The following CCNB2 variants were observed in gnomAD, a reference collection of about 807,000 sequenced individuals.
CCNB2 encodes the protein cyclin B2, also known as G2/mitotic-specific cyclin-B2.
CCNB2 carries 39 observed loss-of-function variants against 51.1 expected under a neutral mutation model. The observed-to-expected ratio is 0.76, with a 90% CI of 0.59 to 1.00. The LOEUF is 1.00. Ranked by LOEUF, CCNB2 falls within the 50% of genes least tolerant of loss-of-function variation. The pLI, the probability that CCNB2 is intolerant of heterozygous loss-of-function variation, is 0.00. For synonymous variants in CCNB2, 174 were observed against 165.5 expected, an observed-to-expected ratio of 1.05 and a Z score of -0.40; for missense variants, 472 against 470.3, an observed-to-expected ratio of 1.00 and a Z score of -0.03.
chr15:59,112,883 A>C (rs1438695687), intron 3 of CCNB2, among the ~76,000 whole-genome samples: 1 of 151,736 alleles, frequency 6.6e-6, no homozygotes, highest in African/African-American at 2.4e-5. Context: ...AAATACAAAA[A>C]ATTAGGCGAG....
intron 3 of CCNB2, among the ~76,000 whole-genome samples, chr15:59,111,989 C>A (rs2079259510): frequency 6.6e-6 from 1 of 151,550 alleles, no homozygotes. Context: ...GTAGTTGGGA[C>A]AACAAGTGTG....
intron 7 of CCNB2, among the ~76,000 whole-genome samples, chr15:59,121,986 C>CATACACCTATA (rs1391569407): frequency 1.5e-5 from 2 of 129,540 alleles, no homozygotes; most frequent in Non-Finnish European, 3.1e-5. Context: ...GGCATGGTGG[C>CATACACCTATA]ATACACCTAT....
intron 3 of CCNB2, among the ~76,000 whole-genome samples, chr15:59,110,196 T>C (rs963942523): frequency 3.4e-4 from 51 of 152,204 alleles, no homozygotes; most frequent in Non-Finnish European, 1.3e-4. Flanking sequence ...GTGTTTCCTT[T>C]ACTCCTTGGC....
intron 3 of CCNB2, among the ~76,000 whole-genome samples, chr15:59,111,689 A>G (rs2140286785): frequency 6.6e-6 from 1 of 152,030 alleles, no homozygotes; most frequent in Non-Finnish European, 1.5e-5. Context: ...TCTCAAATCA[A>G]TTTGCAGTTC....
intron 7 of CCNB2, among the ~76,000 whole-genome samples, chr15:59,122,957 T>C (rs1211812432): frequency 6.6e-6 from 1 of 152,236 alleles, no homozygotes; most frequent in African/African-American, 2.4e-5. Flanking sequence ...AAGTTCTCTC[T>C]GCTGTTTGGT....
intron 7 of CCNB2, chr15:59,121,571 C>G (rs1347827200): frequency 6.6e-6 from 1 of 152,114 alleles, no homozygotes. Context: ...CTGAGGCAGA[C>G]AGATTGCTTG....
chr15:59,105,153 C>T lies in CCNB2; in HGVS notation c.-116C>T, dbSNP rs2079229846. 2.1e-6 allele frequency: 2 copies of T among 966,462 alleles called. No individual in the cohort carries two copies. Among genetic ancestry groups the T allele is most frequent in the Non-Finnish European group, 3.1e-6 (2 of 651,402 alleles). 59.9% of individuals were successfully genotyped at this position (966,462 alleles called of 1,614,324 possible). On this transcript the variant is annotated 5_prime_UTR_variant, in exon 1 of 9. Coordinates refer to ENST00000288207, the MANE Select transcript of CCNB2 (RefSeq NM_004701.4). Reference sequence around the variant, plus strand: ...GAACAAGGCTACAGCGTCGAAGATCCCCAGCGCTGCGGGCTCGGAGAGCAG... The same window carrying T: ...GAACAAGGCTACAGCGTCGAAGATCTCCAGCGCTGCGGGCTCGGAGAGCAG...
chr15:59,112,221 G>A (rs1306152904), intron 3 of CCNB2, among the ~76,000 whole-genome samples: 1 of 151,992 alleles, frequency 6.6e-6, no homozygotes, highest in African/African-American at 2.4e-5. Context: ...TTCTTCCTCA[G>A]TTTAAGACCT....
At chr15:59,122,123 G>T (rs2079304683) in intron 7 of CCNB2, among the ~76,000 whole-genome samples, 2 of 145,238 alleles carry the variant, frequency 1.4e-5, no homozygotes, top group African/African-American at 2.6e-5. Context: ...GGTCTTCAAA[G>T]AAAAAAAGAG....
chr15:59,110,317 T>C (rs1235247412), intron 3 of CCNB2, among the ~76,000 whole-genome samples: 2 of 152,170 alleles, frequency 1.3e-5, no homozygotes, highest in East Asian at 1.9e-4. Flanking sequence ...TTGAAACATA[T>C]AGCTACATGT....
In CCNB2 at chr15:59,123,548, C is replaced by T. The variant is rs1425498580; in HGVS notation, c.1007C>T (p.Thr336Ile). The change falls in exon 8 of 9, where the codon ACA becomes ATA. Residue 336 changes from threonine (T) to isoleucine (I), a missense_variant. Physicochemically the swap from Thr to Ile is moderately conservative, Grantham distance 89. Transcript: ENST00000288207. ...AAGCAGCAGTATTACACAGGATACA[C>T]AGAGAATGAAGTATTGGAAGTCATG... ...NLKQQYYTGYTENEVLEVMQH... is the reference protein window; with the variant it reads ...NLKQQYYTGYIENEVLEVMQH... 2 of 1,612,812 alleles carry T rather than the reference C, an allele frequency of 1.2e-6. No homozygotes were observed. Among genetic ancestry groups the T allele is most frequent in the Middle Eastern group, 1.6e-4 (1 of 6,062 alleles).
chr15:59,112,800 C>G (rs1487037680), intron 3 of CCNB2, among the ~76,000 whole-genome samples: 1 of 151,340 alleles, frequency 6.6e-6, no homozygotes, highest in Admixed American at 6.6e-5. Flanking sequence ...TTTGGGAGGC[C>G]GAGGTGGGCG....
chr15:59,120,562 TA>T lies in CCNB2; in HGVS notation c.976-2947del, dbSNP rs1346290002. Reference sequence around the variant, plus strand: ...AATGACAGTAATAGATTATAGTGTATAAAAAAAAGGATTCCTGGGACCATAA... The same window carrying T: ...AATGACAGTAATAGATTATAGTGTATAAAAAAAGGATTCCTGGGACCATAA... On this transcript the variant is annotated intron_variant, in intron 7 of 8. Coordinates refer to ENST00000288207, the MANE Select transcript of CCNB2 (RefSeq NM_004701.4). 5.9e-5 allele frequency among the ~76,000 whole-genome samples: 9 copies of T among 151,506 alleles called. No individual in the cohort carries two copies. In the South Asian group the frequency reaches 1.5e-3, roughly 25 times the overall value.
At chr15:59,114,917 A>C in intron 5 of CCNB2, 41 bp downstream of exon 5, 1 of 1,573,586 alleles carries the variant, frequency 6.4e-7, no homozygotes, top group Non-Finnish European at 8.7e-7. Context: ...TGGCTCATTG[A>C]ACATTGCATT....
intron 7 of CCNB2, among the ~76,000 whole-genome samples, chr15:59,121,927 G>T (rs1377332602): frequency 2.4e-4 from 21 of 87,412 alleles, no homozygotes; most frequent in African/African-American, 1.1e-3. Context: ...ATGAGACTCT[G>T]TCTCAAAAAA....
intron 7 of CCNB2, among the ~76,000 whole-genome samples, chr15:59,120,394 G>A (rs1454387366): frequency 6.6e-6 from 1 of 152,168 alleles, no homozygotes; most frequent in African/African-American, 2.4e-5. Flanking sequence ...TCAGGAGGCT[G>A]AGGCAGGATC....
chr15:59,115,536 A>C (rs1418400469), intron 5 of CCNB2: 1 of 151,906 alleles, frequency 6.6e-6, no homozygotes, highest in Non-Finnish European at 1.5e-5. Flanking sequence ...TCTACCAAAC[A>C]ATAGCCCTGC....
chr15:59,111,457 G>C (rs2079256934), intron 3 of CCNB2, among the ~76,000 whole-genome samples: 1 of 152,222 alleles, frequency 6.6e-6, no homozygotes, highest in African/African-American at 2.4e-5. Flanking sequence ...TTTTGTTATT[G>C]ACTGCCCTTC....
chr15:59,106,237 A>T (rs1228142303), intron 1 of CCNB2, among the ~76,000 whole-genome samples: 1 of 152,242 alleles, frequency 6.6e-6, no homozygotes, highest in Non-Finnish European at 1.5e-5. Flanking sequence ...CTGCTGGAAG[A>T]AATTGAAGTG....
Sources: allele counts gnomAD v4.1 joint callset (sites outside exome capture counted in the v4.1 genomes callset), GRCh38; gene constraint gnomAD v4.1.1; transcripts MANE v1.5; gene names NCBI Gene and HGNC (gene_info 2026-07-23, HGNC 2026-07-21).